The following HLCS variants were observed in gnomAD, a reference collection of about 807,000 sequenced individuals.
HLCS encodes holocarboxylase synthetase, also known as biotin--protein ligase.
Under a neutral mutation model 75.0 loss-of-function variants are expected in HLCS, and 53 were observed. That is an observed-to-expected ratio of 0.71 (90% CI 0.57 to 0.89). HLCS has a LOEUF of 0.89. Among genes scored for constraint, HLCS ranks in the 40% least tolerant of loss-of-function variants. HLCS has a pLI of 0.00. For missense variants in HLCS, 966 were observed against 1,074.0 expected (o/e 0.90, Z 1.41); for synonymous variants, 431 against 428.6 (o/e 1.01, Z -0.07).
Position 36,769,647 on chromosome 21 carries a change from G to A in HLCS, c.1893-2362C>T, listed in dbSNP as rs1202669942. On this transcript the variant is annotated intron_variant, in intron 6 of 10. Coordinates refer to ENST00000674895, the MANE Select transcript of HLCS (RefSeq NM_001352514.2). ...AACCAAAGCGGCACTCAGGAAAAGC[G>A]CTCTGTTTTGTACTCTTGTGTTGAG... 3.3e-5 allele frequency among the ~76,000 whole-genome samples: 5 copies of A among 152,186 alleles called. No individual in the cohort carries two copies. The East Asian group carries it at 5.8e-4, about 18-fold the overall frequency.
chr21:36,920,917 C>T (rs2146446907), intron 5 of HLCS, among the ~76,000 whole-genome samples: 2 of 152,168 alleles, frequency 1.3e-5, no homozygotes, highest in Admixed American at 1.3e-4. Flanking sequence ...TCCCCCCACC[C>T]CCAAATTAAC....
At chr21:36,762,062 A>G (rs2089867377) in intron 8 of HLCS, among the ~76,000 whole-genome samples, 1 of 152,140 alleles carries the variant, frequency 6.6e-6, no homozygotes, top group Non-Finnish European at 1.5e-5. Context: ...CTCATTTTTC[A>G]TTTTCTCAAT....
Position 36,842,376 on chromosome 21 carries a change from A to G in HLCS, c.1892+54484T>C, listed in dbSNP as rs1464932670. Among the ~76,000 whole-genome samples the G allele has an allele frequency of 6.6e-6, 1 of 152,142 alleles. No individual in the cohort carries two copies. The highest frequency in any genetic ancestry group is 1.5e-5 in the Non-Finnish European group (1 of 68,032). On this transcript the variant is annotated intron_variant, in intron 6 of 10. Transcript: ENST00000674895. The surrounding 1 kb of genome is among the most constrained non-coding windows in gnomAD (Gnocchi z 4.2). ...ACATGTGAGAGAGTTTAGGCCGTAA[A>G]AATTCAAATGCTGCACCCTCAGGAT... is the stretch of plus-strand genomic sequence containing the variant.
At chr21:36,837,437 A>G (rs983473930) in intron 6 of HLCS, among the ~76,000 whole-genome samples, 4 of 152,190 alleles carry the variant, frequency 2.6e-5, no homozygotes, top group South Asian at 2.1e-4. Context: ...ACAGCACACA[A>G]AAAACTTCAT....
rs1235796911 is a variant in HLCS at position 36,864,869 on chromosome 21, A to T, written c.1892+31991T>A. On this transcript the variant is annotated intron_variant, in intron 6 of 10. Coordinates refer to ENST00000674895, the MANE Select transcript of HLCS (RefSeq NM_001352514.2). Reference sequence around the variant, plus strand: ...AAACCTTGTCCATATACCTAAGTACAGGGAAATAAAGGAGTTTTATTATAG... The same window carrying T: ...AAACCTTGTCCATATACCTAAGTACTGGGAAATAAAGGAGTTTTATTATAG... Among the ~76,000 whole-genome samples the T allele has an allele frequency of 5.3e-5, 8 of 152,358 alleles. No homozygotes were observed. The Middle Eastern group carries it at 0.01, about 194-fold the overall frequency.
At chr21:36,851,282 G>A (rs953742477) in intron 6 of HLCS, among the ~76,000 whole-genome samples, 7 of 152,152 alleles carry the variant, frequency 4.6e-5, no homozygotes, top group Admixed American at 2.0e-4. Flanking sequence ...CAACCTAAGC[G>A]TCCATCAACA....
At chr21:36,907,466 G>A (rs1224686361) in intron 5 of HLCS, among the ~76,000 whole-genome samples, 1 of 152,108 alleles carries the variant, frequency 6.6e-6, no homozygotes, top group East Asian at 1.9e-4. Flanking sequence ...GACCAGCCTG[G>A]CCAACATGGT....
intron 10 of HLCS, among the ~76,000 whole-genome samples, chr21:36,755,288 C>T (rs1379132078): frequency 6.6e-6 from 1 of 151,608 alleles, no homozygotes; most frequent in African/African-American, 2.4e-5. Flanking sequence ...ATTGTCTCAG[C>T]TACTTGGGAG....
chr21:36,916,545 T>TA (rs1491339211), intron 5 of HLCS, among the ~76,000 whole-genome samples: 4 of 135,032 alleles, frequency 3.0e-5, no homozygotes, highest in Non-Finnish European at 4.6e-5. Context: ...TTTTTTTTTT[T>TA]ATCTTTTGTA....
Position 36,805,719 on chromosome 21 carries a change from T to C in HLCS, c.1893-38434A>G, listed in dbSNP as rs576708761. 5.9e-5 allele frequency among the ~76,000 whole-genome samples: 9 copies of C among 152,288 alleles called. No homozygotes were observed. In the South Asian group the frequency reaches 1.2e-3, roughly 21 times the overall value. Reference sequence around the variant, plus strand: ...CTTGGTAAAATCCAGAGTATACTTTTACTATGACTTAATTCTCTGCACTGG... The same window carrying C: ...CTTGGTAAAATCCAGAGTATACTTTCACTATGACTTAATTCTCTGCACTGG... On this transcript the variant is annotated intron_variant, in intron 6 of 10. Coordinates refer to ENST00000674895, the MANE Select transcript of HLCS (RefSeq NM_001352514.2).
intron 5 of HLCS, among the ~76,000 whole-genome samples, chr21:36,919,202 G>T (rs1226247346): frequency 6.6e-6 from 1 of 152,074 alleles, no homozygotes; most frequent in African/African-American, 2.4e-5. Context: ...AGAGTGATGA[G>T]TACAGAAGAA....
chr21:36,936,508 C>T lies in HLCS; in HGVS notation c.1378G>A (p.Asp460Asn). Reference sequence around the variant, plus strand: ...AAAGGCACATGCACAATCATCCTGTCCTTGTCCTCATTCTCCAGGTGGCCC... The same window carrying T: ...AAAGGCACATGCACAATCATCCTGTTCTTGTCCTCATTCTCCAGGTGGCCC... Reference protein sequence around the residue: ...LQGHLENEDKDRMIVHVPFGT... With the variant: ...LQGHLENEDKNRMIVHVPFGT... Residue 460 changes from aspartate to asparagine, a missense_variant, in exon 4 of 11, where the codon GAC becomes AAC. Physicochemically the swap from Asp to Asn is conservative, Grantham distance 23. Coordinates refer to ENST00000674895, the MANE Select transcript of HLCS (RefSeq NM_001352514.2). 1 of 1,614,240 alleles carries T rather than the reference C, an allele frequency of 6.2e-7. No homozygotes were observed. The highest frequency in any genetic ancestry group is 8.5e-7 in the Non-Finnish European group (1 of 1,180,048).
intron 3 of HLCS, among the ~76,000 whole-genome samples, chr21:36,938,279 A>C (rs1337646233): frequency 6.6e-6 from 1 of 152,224 alleles, no homozygotes; most frequent in Admixed American, 6.5e-5. Context: ...CTGAATTTGA[A>C]TGCCACCTCA....
chr21:36,785,496 C>T (rs7280703), intron 6 of HLCS, among the ~76,000 whole-genome samples: 2,133 of 152,282 alleles, frequency 0.014, 59 homozygotes, highest in African/African-American at 0.048. Flanking sequence ...TGGGTGGATT[C>T]GTGCTTCTGG....
At chr21:36,860,228 G>T (rs1569111824) in intron 6 of HLCS, among the ~76,000 whole-genome samples, 1 of 152,068 alleles carries the variant, frequency 6.6e-6, no homozygotes, top group Non-Finnish European at 1.5e-5. Flanking sequence ...AGGAAACTAA[G>T]CAGAGACAGA....
intron 6 of HLCS, among the ~76,000 whole-genome samples, chr21:36,886,418 G>A (rs1474387782): frequency 7.7e-6 from 1 of 130,460 alleles, no homozygotes; most frequent in East Asian, 2.2e-4. Flanking sequence ...GAGCAACAGA[G>A]CGAGACTCCA....
chr21:36,852,786 C>T (rs2063058056), intron 6 of HLCS, among the ~76,000 whole-genome samples: 1 of 152,130 alleles, frequency 6.6e-6, no homozygotes, highest in Admixed American at 6.5e-5. Context: ...TGCAAAGATG[C>T]AACCTGCCTG....
chr21:36,767,147 G>A (rs1212553256), intron 7 of HLCS, 71 bp downstream of exon 7: 1 of 1,448,162 alleles, frequency 6.9e-7, no homozygotes, highest in Non-Finnish European at 9.7e-7. Context: ...CATTCAATGG[G>A]CTCCTGGGCC....
chr21:36,870,313 G>T (rs1050278207), intron 6 of HLCS, among the ~76,000 whole-genome samples: 3 of 152,120 alleles, frequency 2.0e-5, no homozygotes, highest in Non-Finnish European at 4.4e-5. Flanking sequence ...GGGGGAGGAA[G>T]AAAAGAGAAT....
Sources: allele counts gnomAD v4.1 joint callset (sites outside exome capture counted in the v4.1 genomes callset), GRCh38; gene constraint gnomAD v4.1.1; non-coding constraint Gnocchi (gnomAD v3.1); transcripts MANE v1.5; gene names NCBI Gene and HGNC (gene_info 2026-07-23, HGNC 2026-07-21).